SYNPO2: variants seen among roughly 807,000 people sequenced by gnomAD.
The protein encoded by SYNPO2 is synaptopodin-2.
SYNPO2 carries 56 observed loss-of-function variants against 85.0 expected under a neutral mutation model. The observed-to-expected ratio is 0.66, with a 90% CI of 0.53 to 0.82. The LOEUF is 0.82. Ranked by LOEUF, SYNPO2 falls within the 40% of genes least tolerant of loss-of-function variation. The probability of loss-of-function intolerance (pLI) is 0.00; values close to 1 mark genes in which losing one functional copy is unlikely to be tolerated. For missense variants in SYNPO2, 1,575 were observed against 1,534.2 expected, an observed-to-expected ratio of 1.03 and a Z score of -0.44; for synonymous variants, 602 against 591.1, an observed-to-expected ratio of 1.02 and a Z score of -0.27.
chr4:118,972,434 A>T (rs1194677957), intron 1 of SYNPO2, among the ~76,000 whole-genome samples: 2 of 152,030 alleles, frequency 1.3e-5, no homozygotes, highest in East Asian at 1.9e-4. Flanking sequence ...ACAAAGGGAG[A>T]CCCTGTCTCA....
intron 1 of SYNPO2, among the ~76,000 whole-genome samples, chr4:118,939,835 G>A (rs1239065548): frequency 1.3e-5 from 2 of 152,132 alleles, no homozygotes; most frequent in African/African-American, 4.8e-5. Context: ...CATGGTTTAA[G>A]CTCCTTAGAG....
Position 119,035,395 on chromosome 4 carries a change from C to T in SYNPO2, c.3252+3368C>T, listed in dbSNP as rs183843483. 5,974 of 985,376 alleles carry T rather than the reference C, an allele frequency of 6.1e-3. 20 individuals carry two copies. Among genetic ancestry groups the T allele is most frequent in the Non-Finnish European group, 6.6e-3 (5,485 of 829,940 alleles). The allele number at this position is 985,376 out of a possible 1,614,324, so 61.0% of individuals were successfully genotyped here. ...GGTAAGATTGGGAATCTGAGCATTGCCACTTTAATCTTAGAATATTTATCA... is the reference window on the plus strand; with the variant it reads ...GGTAAGATTGGGAATCTGAGCATTGTCACTTTAATCTTAGAATATTTATCA... On this transcript the variant is annotated intron_variant, in intron 4 of 4. Coordinates refer to ENST00000307142, the MANE Select transcript of SYNPO2 (RefSeq NM_133477.3).
chr4:119,035,455 AAC>A (rs1239320496), intron 4 of SYNPO2: 2 of 985,340 alleles, frequency 2.0e-6, no homozygotes, highest in African/African-American at 3.5e-5. Flanking sequence ...GAGGAAAACA[AAC>A]ACAGTTTCTG....
chr4:119,022,028 TC>T (rs1322379654), intron 1 of SYNPO2, among the ~76,000 whole-genome samples: 1 of 152,220 alleles, frequency 6.6e-6, no homozygotes, highest in Non-Finnish European at 1.5e-5. Flanking sequence ...ATCTCTTTTT[TC>T]TTTCTTTTTT....
At chr4:118,895,247 C>T (rs1019048329) in intron 1 of SYNPO2, among the ~76,000 whole-genome samples, 3 of 152,134 alleles carry the variant, frequency 2.0e-5, no homozygotes, top group South Asian at 2.1e-4. Flanking sequence ...TGTGGCCAGG[C>T]TTGTGGCTCC....
At chr4:119,009,027 G>T (rs1737189007) in intron 1 of SYNPO2, among the ~76,000 whole-genome samples, 1 of 152,108 alleles carries the variant, frequency 6.6e-6, no homozygotes. Context: ...CTTGTCTTCA[G>T]CATGTTAAAT....
intron 1 of SYNPO2, among the ~76,000 whole-genome samples, chr4:119,007,614 A>T (rs76352568): frequency 0.02 from 3,034 of 152,164 alleles, 82 homozygotes; most frequent in African/African-American, 0.057. Flanking sequence ...TTGGGAACCA[A>T]ATCCACATTG....
rs146400173 is a variant in SYNPO2, at chr4:118,893,647, C to T, written c.105+4506C>T. On this transcript the variant is annotated intron_variant, in intron 1 of 4. Coordinates refer to ENST00000307142, the MANE Select transcript of SYNPO2 (RefSeq NM_133477.3). ...TTAAAATAAATACCATAGTTTGTAC[C>T]CAACCTTGATTTCATTATTGGTCTG... is the stretch of plus-strand genomic sequence containing the variant. Among the ~76,000 whole-genome samples, 328 of 152,108 alleles carry T rather than the reference C, an allele frequency of 2.2e-3. 1 individual carries two copies. The highest frequency in any genetic ancestry group is 6.8e-3 in the African/African-American group (283 of 41,476).
intron 1 of SYNPO2, among the ~76,000 whole-genome samples, chr4:118,942,584 C>T (rs1034738472): frequency 6.6e-6 from 1 of 152,064 alleles, no homozygotes; most frequent in Non-Finnish European, 1.5e-5. Context: ...TCTGGCTCAG[C>T]AGTATAATGT....
At chr4:119,050,512 A>AGGGATAATAATAGT (rs1739001678) in intron 4 of SYNPO2, among the ~76,000 whole-genome samples, 1 of 152,188 alleles carries the variant, frequency 6.6e-6, no homozygotes, top group Non-Finnish European at 1.5e-5. Flanking sequence ...CTGGAAAAAT[A>AGGGATAATAATAGT]GGGATAATAA....
chr4:118,952,600 G>A (rs1161593776), intron 1 of SYNPO2, among the ~76,000 whole-genome samples: 3 of 151,950 alleles, frequency 2.0e-5, no homozygotes, highest in African/African-American at 7.2e-5. Context: ...GGTAAAATTG[G>A]TAAAAATATC....
chr4:118,873,738 C>A (rs1560810100), intron 1 of SYNPO2, among the ~76,000 whole-genome samples: 1 of 151,988 alleles, frequency 6.6e-6, no homozygotes, highest in Non-Finnish European at 1.5e-5. Flanking sequence ...GTTGCCTGTG[C>A]TTTTGAGGTC....
intron 1 of SYNPO2, among the ~76,000 whole-genome samples, chr4:118,976,806 C>G (rs71624979): frequency 2.0e-5 from 3 of 152,076 alleles, no homozygotes; most frequent in African/African-American, 7.2e-5. Context: ...ATTTACAATA[C>G]TTGAGCTAGA....
Position 118,944,281 on chromosome 4 carries a change from T to G in SYNPO2, c.105+55140T>G, listed in dbSNP as rs140037206. Among the ~76,000 whole-genome samples, 5 of 152,274 alleles carry G rather than the reference T, an allele frequency of 3.3e-5. No homozygotes were observed. The East Asian group carries it at 9.7e-4, about 29-fold the overall frequency. On this transcript the variant is annotated intron_variant, in intron 1 of 4. Coordinates refer to ENST00000307142, the MANE Select transcript of SYNPO2 (RefSeq NM_133477.3). ...TACTCGCAGTAGACTACCAATTCAT[T>G]GCAGTTTGCCTGGGACTGTCCTGGT...
intron 1 of SYNPO2, among the ~76,000 whole-genome samples, chr4:118,991,046 T>C (rs1560952796): frequency 6.6e-6 from 1 of 152,246 alleles, no homozygotes; most frequent in Non-Finnish European, 1.5e-5. Flanking sequence ...AACATAAAAT[T>C]GTGCAGCTAA....
chr4:119,057,978 A>C lies in SYNPO2; in HGVS notation c.*44A>C. ...ATGTGCCAACTGTAGTTTTTTAAAAAAAACGCTCCTTTGTAGGGTTTTAAA... is the reference window on the plus strand; with the variant it reads ...ATGTGCCAACTGTAGTTTTTTAAAACAAACGCTCCTTTGTAGGGTTTTAAA... On this transcript the variant is annotated 3_prime_UTR_variant, in exon 5 of 5. Coordinates refer to ENST00000307142, the MANE Select transcript of SYNPO2 (RefSeq NM_133477.3). The C allele has an allele frequency of 1.3e-6, 2 of 1,557,564 alleles. No homozygotes were observed. Among genetic ancestry groups the C allele is most frequent in the Non-Finnish European group, 1.7e-6 (2 of 1,156,918 alleles).
intron 1 of SYNPO2, among the ~76,000 whole-genome samples, chr4:118,877,712 C>T (rs1431226571): frequency 6.6e-6 from 1 of 152,080 alleles, no homozygotes; most frequent in Non-Finnish European, 1.5e-5. Context: ...ATAACAGATC[C>T]TGGTGAGGTT....
At chr4:119,018,903 C>G (rs1433314444) in intron 1 of SYNPO2, among the ~76,000 whole-genome samples, 1 of 152,110 alleles carries the variant, frequency 6.6e-6, no homozygotes, top group Non-Finnish European at 1.5e-5. Context: ...AAATATCACA[C>G]ATACCCCATA....
intron 1 of SYNPO2, among the ~76,000 whole-genome samples, chr4:118,882,223 T>C (rs1050357900): frequency 2.0e-5 from 3 of 152,176 alleles, no homozygotes; most frequent in Admixed American, 2.0e-4. Flanking sequence ...AGCTCCAAAT[T>C]TTAACACTGA....
Sources: allele counts gnomAD v4.1 joint callset (sites outside exome capture counted in the v4.1 genomes callset), GRCh38; gene constraint gnomAD v4.1.1; transcripts MANE v1.5; gene names NCBI Gene and HGNC (gene_info 2026-07-23, HGNC 2026-07-21).